The following SVOP variants were observed in gnomAD, a reference collection of about 807,000 sequenced individuals.
SVOP encodes the protein SV2 related protein.
SVOP carries 17 observed loss-of-function variants against 69.1 expected under a neutral mutation model. The observed-to-expected ratio is 0.25, with a 90% CI of 0.17 to 0.37. The LOEUF is 0.37. SVOP is among the 10% of genes least tolerant of loss of function. The pLI, the probability that SVOP is intolerant of heterozygous loss-of-function variation, is 1.00. For synonymous variants in SVOP, 238 were observed against 238.6 expected, an observed-to-expected ratio of 1.00 and a Z score of 0.02; for missense variants, 435 against 597.5, an observed-to-expected ratio of 0.73 and a Z score of 2.84.
intron 11 of SVOP, among the ~76,000 whole-genome samples, chr12:108,932,774 C>T (rs1051697617): frequency 6.6e-6 from 1 of 152,150 alleles, no homozygotes; most frequent in Non-Finnish European, 1.5e-5. Context: ...AAAACAGACT[C>T]TTCGTGGCAA....
intron 1 of SVOP, among the ~76,000 whole-genome samples, chr12:108,995,172 A>T (rs2040224655): frequency 6.6e-6 from 1 of 152,066 alleles, no homozygotes; most frequent in South Asian, 2.1e-4. Context: ...TAAATAAATA[A>T]ATAAAAATGT....
intron 11 of SVOP, among the ~76,000 whole-genome samples, chr12:108,923,212 A>G (rs2039760735): frequency 6.6e-6 from 1 of 151,254 alleles, no homozygotes; most frequent in Non-Finnish European, 1.5e-5. Context: ...ACTTGCTTCT[A>G]GCCAACAGAG....
rs111316746 is a variant in SVOP, at chr12:108,937,357, T to A, written c.898-20A>T. The A allele has an allele frequency of 4.0e-3, 6,452 of 1,612,070 alleles. 226 individuals carry two copies. In the African/African-American group the frequency reaches 0.073, roughly 18 times the overall value. Reference sequence around the variant, plus strand: ...GTCTTCCTGTTTCAAAACAAGGACATAGTGTTTATTCTCTCCCCTACAGAT... The same window carrying A: ...GTCTTCCTGTTTCAAAACAAGGACAAAGTGTTTATTCTCTCCCCTACAGAT... On this transcript the variant is annotated intron_variant, in intron 9 of 15. Transcript: ENST00000610966.
At chr12:108,962,191 C>T (rs951062503) in intron 5 of SVOP, among the ~76,000 whole-genome samples, 14 of 152,280 alleles carry the variant, frequency 9.2e-5, no homozygotes, top group Non-Finnish European at 1.3e-4. Context: ...CTCAACCTCC[C>T]GGGCTCAAGT....
At chr12:108,971,012 T>C (rs749316662) in intron 5 of SVOP, among the ~76,000 whole-genome samples, 2 of 150,120 alleles carry the variant, frequency 1.3e-5, no homozygotes, top group African/African-American at 2.5e-5. Flanking sequence ...AGCAAGACCT[T>C]GTCTCAAAAA....
intron 5 of SVOP, 111 bp from the exon 6 acceptor site, chr12:108,961,158 A>G (rs1353584024): frequency 7.5e-7 from 1 of 1,333,862 alleles, no homozygotes; most frequent in African/African-American, 1.5e-5. Flanking sequence ...GAGCCTACAC[A>G]ACCAAGGGGG....
At chr12:108,983,465 T>C (rs1036694971) in intron 2 of SVOP, 136 bp downstream of exon 2, 123,729 of 397,526 alleles carry the variant, frequency 0.31, 20,041 homozygotes, top group African/African-American at 0.44. Flanking sequence ...TAGGCTCAGC[T>C]CCCACTTCCA....
At chr12:109,012,033 A>T (rs930548712) in intron 1 of SVOP, among the ~76,000 whole-genome samples, 2 of 152,326 alleles carry the variant, frequency 1.3e-5, no homozygotes, top group East Asian at 3.9e-4. Context: ...CTCTAATCCC[A>T]GGACTTTGGG....
chr12:108,937,484 T>TCTACAGGACGCAGCCTC, intron 9 of SVOP, 147 bp from the exon 10 acceptor site: 1 of 786,502 alleles, frequency 1.3e-6, no homozygotes, highest in East Asian at 2.5e-5. Flanking sequence ...AGGTCTCAAA[T>TCTACAGGACGCAGCCTC]CTACAGGACG....
rs763930042 is a variant in SVOP at position 108,937,313 on chromosome 12, G to T, written c.922C>A (p.Leu308Ile). The T allele has an allele frequency of 1.9e-6, 3 of 1,613,908 alleles. No homozygotes were observed. Among genetic ancestry groups the T allele is most frequent in the East Asian group, 2.2e-5 (1 of 44,880 alleles). Reference sequence around the variant, plus strand: ...GTCCATCTAAAATGGGGTGTGAAAAGGTCCCTCATTTTGCCTCGGTCTTCC... The same window carrying T: ...GTCCATCTAAAATGGGGTGTGAAAATGTCCCTCATTTTGCCTCGGTCTTCC... ...RQEDRGKMRD[L>I]FTPHFRWTTL... The change falls in exon 10 of 16, where the codon CTT (leucine) becomes ATT (isoleucine). Residue 308 changes from leucine to isoleucine, a missense_variant. Leu to Ile is a conservative substitution (Grantham distance 5, BLOSUM62 2). Coordinates refer to ENST00000610966, the MANE Select transcript of SVOP (RefSeq NM_018711.5).
At chr12:109,002,915 A>C (rs1205477796) in intron 1 of SVOP, among the ~76,000 whole-genome samples, 1 of 151,908 alleles carries the variant, frequency 6.6e-6, no homozygotes, top group African/African-American at 2.4e-5. Context: ...ATATGTAACT[A>C]ACCTGCACAA....
At chr12:108,940,969 A>G (rs2039888100) in intron 7 of SVOP, 60 bp from the exon 8 acceptor site, 7 of 1,507,470 alleles carry the variant, frequency 4.6e-6, no homozygotes, top group Non-Finnish European at 5.3e-6. Flanking sequence ...GAGAGGAATT[A>G]TGGGGGCATT....
intron 2 of SVOP, among the ~76,000 whole-genome samples, chr12:108,981,757 T>C (rs2040136240): frequency 6.6e-6 from 1 of 152,178 alleles, no homozygotes; most frequent in African/African-American, 2.4e-5. Flanking sequence ...GAGCAGTGCC[T>C]GGCACATAAT....
At chr12:108,941,913 C>T (rs1183238601) in intron 7 of SVOP, among the ~76,000 whole-genome samples, 4 of 152,144 alleles carry the variant, frequency 2.6e-5, no homozygotes, top group African/African-American at 9.7e-5. Context: ...GATCCACCCC[C>T]CTCGGCCTCC....
At chr12:108,957,065 G>A (rs2039989301) in intron 6 of SVOP, among the ~76,000 whole-genome samples, 1 of 152,068 alleles carries the variant, frequency 6.6e-6, no homozygotes, top group African/African-American at 2.4e-5. Context: ...CCAGATCAGG[G>A]GATTTGTACT....
intron 5 of SVOP, among the ~76,000 whole-genome samples, chr12:108,963,495 AT>A (rs200055211): frequency 7.0e-4 from 104 of 149,418 alleles, no homozygotes; most frequent in African/African-American, 2.2e-3. Flanking sequence ...GTATTTATTT[AT>A]TTTTTTTTTG....
chr12:108,958,960 T>C (rs2040001370), intron 6 of SVOP, among the ~76,000 whole-genome samples: 1 of 152,164 alleles, frequency 6.6e-6, no homozygotes, highest in Non-Finnish European at 1.5e-5. Context: ...CCTAATTTTC[T>C]CACTTTCTTA....
intron 9 of SVOP, 82 bp from the exon 10 acceptor site, chr12:108,937,419 C>A: frequency 2.2e-6 from 3 of 1,346,690 alleles, no homozygotes; most frequent in Non-Finnish European, 3.2e-6. Flanking sequence ...GACTAGTGCA[C>A]ACCAGGCTGG....
intron 1 of SVOP, among the ~76,000 whole-genome samples, chr12:108,984,580 C>T (rs1566062727): frequency 6.6e-6 from 1 of 152,160 alleles, no homozygotes; most frequent in East Asian, 1.9e-4. Context: ...TCACTTGGCA[C>T]GTGGCCCCAT....
Sources: allele counts gnomAD v4.1 joint callset (sites outside exome capture counted in the v4.1 genomes callset), GRCh38; gene constraint gnomAD v4.1.1; transcripts MANE v1.5; gene names NCBI Gene and HGNC (gene_info 2026-07-23, HGNC 2026-07-21).